Variants in ZNF146 observed in about 807,000 individuals in gnomAD.
ZNF146 encodes the protein zinc finger protein OZF.
ZNF146 carries 9 observed loss-of-function variants against 22.2 expected under a neutral mutation model. The observed-to-expected ratio is 0.41, with a 90% CI of 0.24 to 0.71. The LOEUF is 0.71. Ranked by LOEUF, ZNF146 falls within the 30% of genes least tolerant of loss-of-function variation. The pLI is 0.34. For synonymous variants in ZNF146, 108 were observed against 119.2 expected, an observed-to-expected ratio of 0.91 and a Z score of 0.61; for missense variants, 194 against 344.8, an observed-to-expected ratio of 0.56 and a Z score of 3.46.
intron 3 of ZNF146, among the ~76,000 whole-genome samples, chr19:36,232,851 T>TG (rs1977447713): frequency 6.6e-6 from 1 of 152,268 alleles, no homozygotes; most frequent in African/African-American, 2.4e-5. Flanking sequence ...CCCACAGTGC[T>TG]GGGATTACAG....
In ZNF146 at chr19:36,236,301, C is replaced by G. The variant is rs2145468475; in HGVS notation, c.-140C>G. 1.0e-6 allele frequency: 1 copy of G among 1,002,572 alleles called. No individual in the cohort carries two copies. Among genetic ancestry groups the G allele is most frequent in the Non-Finnish European group, 1.4e-6 (1 of 700,678 alleles). The allele number at this position is 1,002,572 out of a possible 1,614,324, so 62.1% of individuals were successfully genotyped here. A position where few individuals can be genotyped will look rare whatever the true frequency, so the allele number is the denominator to read the frequency against. ...TTCCTCTCAAACCTTATCCCTTACT[C>G]TGCATTTGGGAGATCATACACAGAG... On this transcript the variant is annotated 5_prime_UTR_variant, in exon 4 of 4. Transcript: ENST00000443387.
At chr19:36,232,802 G>A (rs1977444879) in intron 3 of ZNF146, among the ~76,000 whole-genome samples, 1 of 151,986 alleles carries the variant, frequency 6.6e-6, no homozygotes. Flanking sequence ...TAGAGACGAG[G>A]TTTCACCATG....
At chr19:36,234,674 G>A (rs1303697938) in intron 3 of ZNF146, among the ~76,000 whole-genome samples, 1 of 152,194 alleles carries the variant, frequency 6.6e-6, no homozygotes, top group Non-Finnish European at 1.5e-5. Flanking sequence ...TGGGATTACA[G>A]GCGTGAGCCA....
intron 1 of ZNF146, among the ~76,000 whole-genome samples, chr19:36,217,417 C>T (rs577240859): frequency 3.3e-5 from 5 of 152,040 alleles, no homozygotes; most frequent in African/African-American, 1.2e-4. Flanking sequence ...AAAAGAAAAA[C>T]AGTTCATGCC....
chr19:36,215,471 G>T (rs1465722104), intron 1 of ZNF146, among the ~76,000 whole-genome samples: 3 of 152,094 alleles, frequency 2.0e-5, no homozygotes, highest in Admixed American at 6.5e-5. Flanking sequence ...GACCAGCATT[G>T]AGGTATAACG....
At position 36,237,693 on chromosome 19, in the gene ZNF146, A is replaced by C. The variant is rs1215247976; in HGVS notation, c.*374A>C. On this transcript the variant is annotated 3_prime_UTR_variant, in exon 4 of 4. Coordinates refer to ENST00000443387, the MANE Select transcript of ZNF146 (RefSeq NM_007145.3). The stretch of plus-strand genomic sequence containing the variant: ...ACAGACAAAAATAGATGACATGGTC[A>C]TCTACAACTAATATTAAGACTCCTG... The C allele has an allele frequency of 5.4e-6, 1 of 185,092 alleles. No homozygotes were observed. Among genetic ancestry groups the C allele is most frequent in the Non-Finnish European group, 1.3e-5 (1 of 79,472 alleles). The allele number at this position is 185,092 out of a possible 1,614,324, so 11.5% of individuals were successfully genotyped here.
intron 2 of ZNF146, among the ~76,000 whole-genome samples, chr19:36,221,327 C>T (rs1410861134): frequency 8.3e-6 from 1 of 121,066 alleles, no homozygotes; most frequent in African/African-American, 3.3e-5. Flanking sequence ...CTCACTCTGT[C>T]CCCTAGGCTG....
At chr19:36,233,969 A>G (rs964704781) in intron 3 of ZNF146, among the ~76,000 whole-genome samples, 5 of 151,570 alleles carry the variant, frequency 3.3e-5, no homozygotes, top group African/African-American at 7.3e-5. Flanking sequence ...GCCATATTTC[A>G]GACTATCACA....
At chr19:36,215,310 G>C (rs1205695724) in intron 1 of ZNF146, 114 bp downstream of exon 1, 1 of 152,368 alleles carries the variant, frequency 6.6e-6, no homozygotes, top group Non-Finnish European at 1.5e-5. Context: ...TCTGGCCTAC[G>C]TGCGGGGCGG....
At chr19:36,234,087 CTT>C (rs1243766252) in intron 3 of ZNF146, among the ~76,000 whole-genome samples, 1 of 152,180 alleles carries the variant, frequency 6.6e-6, no homozygotes, top group East Asian at 1.9e-4. Flanking sequence ...GGTGATGACT[CTT>C]AAGGAGCATG....
intron 3 of ZNF146, among the ~76,000 whole-genome samples, chr19:36,232,884 A>G (rs1977449040): frequency 6.6e-6 from 1 of 152,172 alleles, no homozygotes; most frequent in Non-Finnish European, 1.5e-5. Flanking sequence ...ATGCCCAGCC[A>G]TTCAATTATT....
At chr19:36,220,870 G>A (rs187425978) in intron 2 of ZNF146, among the ~76,000 whole-genome samples, 126 of 91,242 alleles carry the variant, frequency 1.4e-3, no homozygotes, top group Admixed American at 2.0e-3. Flanking sequence ...TTTTTTTTTT[G>A]AGATGTTGTC....
intron 3 of ZNF146, among the ~76,000 whole-genome samples, chr19:36,232,503 T>G (rs1489329920): frequency 6.6e-6 from 1 of 152,144 alleles, no homozygotes; most frequent in African/African-American, 2.4e-5. Flanking sequence ...AAAAGGAAGG[T>G]CCATGTTTTA....
At chr19:36,224,045 C>G (rs996872642) in intron 2 of ZNF146, among the ~76,000 whole-genome samples, 4 of 152,118 alleles carry the variant, frequency 2.6e-5, no homozygotes, top group Non-Finnish European at 5.9e-5. Flanking sequence ...CCAGCTTTAC[C>G]TTTTTCCAAT....
At chr19:36,224,841 AT>A (rs1401336488) in intron 2 of ZNF146, among the ~76,000 whole-genome samples, 1 of 151,868 alleles carries the variant, frequency 6.6e-6, no homozygotes, top group Admixed American at 6.6e-5. Context: ...GTGTTTTAAA[AT>A]TTTTTTCATA....
chr19:36,236,095 T>TCATG lies in ZNF146; in HGVS notation c.-344_-341dup, dbSNP rs1977635810. 4.7e-6 allele frequency: 1 copy of TCATG among 212,536 alleles called. No homozygotes were observed. Among genetic ancestry groups the TCATG allele is most frequent in the African/African-American group, 2.3e-5 (1 of 43,126 alleles). 13.2% of individuals were successfully genotyped at this position (212,536 alleles called of 1,614,324 possible). On this transcript the variant is annotated 5_prime_UTR_variant, in exon 4 of 4. It adds an upstream start codon to the 5' untranslated region. Transcript: ENST00000443387. ...TGTTGCATTTCGTCGAACGTGCAAG[T>TCATG]CATGCTGAAGAGAAACCCTGTGCTT...
At chr19:36,227,247 G>T (rs921890933) in intron 2 of ZNF146, among the ~76,000 whole-genome samples, 30 of 151,488 alleles carry the variant, frequency 2.0e-4, no homozygotes, top group African/African-American at 7.0e-4. Context: ...AAATTAGCTG[G>T]GTGTAGTGGC....
chr19:36,224,992 T>C (rs1230249638), intron 2 of ZNF146, among the ~76,000 whole-genome samples: 1 of 152,198 alleles, frequency 6.6e-6, no homozygotes, highest in East Asian at 1.9e-4. Flanking sequence ...TTATTTGTAA[T>C]TAGATTATAT....
Position 36,237,483 on chromosome 19 carries a change from C to T in ZNF146, c.*164C>T. The T allele has an allele frequency of 1.3e-6, 1 of 768,500 alleles. No individual in the cohort carries two copies. Among genetic ancestry groups the T allele is most frequent in the East Asian group, 2.8e-5 (1 of 35,196 alleles). 47.6% of individuals were successfully genotyped at this position (768,500 alleles called of 1,614,324 possible). The stretch of plus-strand genomic sequence containing the variant: ...AGAAAATTTGTACTGAAGAGAAAGA[C>T]ATGCATATGATTAAAACCCTGTGTC... On this transcript the variant is annotated 3_prime_UTR_variant, in exon 4 of 4. Coordinates refer to ENST00000443387, the MANE Select transcript of ZNF146 (RefSeq NM_007145.3).
Sources: allele counts gnomAD v4.1 joint callset (sites outside exome capture counted in the v4.1 genomes callset), GRCh38; gene constraint gnomAD v4.1.1; transcripts MANE v1.5; gene names NCBI Gene and HGNC (gene_info 2026-07-23, HGNC 2026-07-21).